The following PPP2R3B variants were observed in gnomAD, a reference collection of about 807,000 sequenced individuals.
PPP2R3B encodes the protein serine/threonine-protein phosphatase 2A regulatory subunit B'' subunit beta.
In PPP2R3B, 68 loss-of-function variants were observed where a neutral mutation model predicts 72.9. The ratio of observed to expected loss-of-function variants is 0.93; its 90% CI spans 0.77 to 1.14. The LOEUF is 1.14. PPP2R3B is among the 50% of genes most tolerant of loss of function. The probability of loss-of-function intolerance (pLI) is 0.00; values close to 1 mark genes in which losing one functional copy is unlikely to be tolerated. For missense variants in PPP2R3B, 1,018 were observed against 842.0 expected, an observed-to-expected ratio of 1.21 and a Z score of -2.59; for synonymous variants, 466 against 375.8, an observed-to-expected ratio of 1.24 and a Z score of -2.78.
chrX:341,507 T>C lies in PPP2R3B; in HGVS notation c.1086-111A>G, dbSNP rs868202521. 1.8e-4 allele frequency: 191 copies of C among 1,034,012 alleles called. 6 individuals are homozygous for C. Among genetic ancestry groups the C allele is most frequent in the South Asian group, 1.8e-3 (135 of 75,648 alleles). The allele number at this position is 1,034,012 out of a possible 1,614,324, so 64.1% of individuals were successfully genotyped here. A position where few individuals can be genotyped will look rare whatever the true frequency, so the allele number is the denominator to read the frequency against. On this transcript the variant is annotated intron_variant, in intron 8 of 12. Coordinates refer to ENST00000390665, the MANE Select transcript of PPP2R3B (RefSeq NM_013239.5). The stretch of plus-strand genomic sequence containing the variant: ...GAGGGGAGCCCCCCGGGCCCGGCCC[T>C]CCTCCTGCCCCCCTCCTGCCCCTCC...
chrX:383,860 A>AAAC, intron 1 of PPP2R3B, among the ~76,000 whole-genome samples: 1 of 147,672 alleles, frequency 6.8e-6, no homozygotes, highest in Non-Finnish European at 1.5e-5. Flanking sequence ...AAAAAAAAAA[A>AAAC]AAAAAAACCA....
In PPP2R3B at chrX:347,590, T is replaced by C. The variant is rs2071248840; in HGVS notation, c.614A>G (p.Lys205Arg). 1 of 1,573,690 alleles carries C rather than the reference T, an allele frequency of 6.4e-7. No individual in the cohort carries two copies. The highest frequency in any genetic ancestry group is 1.2e-5 in the South Asian group (1 of 86,884). The change falls in exon 3 of 13, where the codon AAA becomes AGA. Residue 205 changes from lysine (K) to arginine (R), a missense_variant and splice_region_variant. Coordinates refer to ENST00000390665, the MANE Select transcript of PPP2R3B (RefSeq NM_013239.5). ...GCCCCCTGCCCAGCCCAGGACTCAC[T>C]TTCTCCACATGGCGACGAACTTGTG... ...SVHKFVAMWR[K>R]ILQNCHDDAA...
At chrX:349,180 G>A (rs1171850652) in intron 2 of PPP2R3B, among the ~76,000 whole-genome samples, 1 of 151,942 alleles carries the variant, frequency 6.6e-6, no homozygotes, top group African/African-American at 2.4e-5. Flanking sequence ...TTGGGAGGTG[G>A]GGCCTCATGA....
chrX:360,999 G>A (rs2071525962), intron 2 of PPP2R3B, among the ~76,000 whole-genome samples: 1 of 152,210 alleles, frequency 6.6e-6, no homozygotes, highest in South Asian at 2.1e-4. Context: ...CCCAGCCTGG[G>A]ATGGCCGCTC....
intron 2 of PPP2R3B, among the ~76,000 whole-genome samples, chrX:356,674 C>T (rs1025752469): frequency 2.0e-5 from 3 of 152,200 alleles, no homozygotes; most frequent in African/African-American, 7.2e-5. Context: ...GAAGCAAAAA[C>T]CAAAGCAACC....
intron 2 of PPP2R3B, among the ~76,000 whole-genome samples, chrX:359,279 A>T (rs1474456340): frequency 6.6e-6 from 1 of 152,192 alleles, no homozygotes; most frequent in Non-Finnish European, 1.5e-5. Context: ...TCTCAGAGAT[A>T]CCCCACAACT....
chrX:347,487 C>G (rs1050151439), intron 3 of PPP2R3B, 103 bp downstream of exon 3: 2 of 1,389,198 alleles, frequency 1.4e-6, no homozygotes, highest in African/African-American at 2.9e-5. Context: ...AAGGGTTTCT[C>G]CTCTCACTGC....
intron 2 of PPP2R3B, among the ~76,000 whole-genome samples, chrX:352,286 G>A (rs910043813): frequency 3.9e-5 from 6 of 152,190 alleles, no homozygotes; most frequent in African/African-American, 1.4e-4. Flanking sequence ...ACTCCTTGTG[G>A]GGCCCGGCAA....
At chrX:351,487 T>C (rs1041690102) in intron 2 of PPP2R3B, among the ~76,000 whole-genome samples, 1 of 152,224 alleles carries the variant, frequency 6.6e-6, no homozygotes, top group African/African-American at 2.4e-5. Context: ...TAGCGTCTCA[T>C]GTGTCCAGAC....
Position 344,812 on chromosome X carries a change from C to T in PPP2R3B, c.1036+704G>A, listed in dbSNP as rs375057128. 4.8e-5 allele frequency: 14 copies of T among 293,694 alleles called. No individual in the cohort carries two copies. The East Asian group carries it at 7.3e-4, about 15-fold the overall frequency. 18.2% of individuals were successfully genotyped at this position (293,694 alleles called of 1,614,324 possible). ...CGGCCACGCGACCCAGGACCAGCCC[C>T]GGGAGACGCAGACGGGTGCAGCTCA... On this transcript the variant is annotated intron_variant, in intron 7 of 12. Transcript: ENST00000390665.
chrX:375,859 CCT>C (rs1489135909), intron 1 of PPP2R3B, among the ~76,000 whole-genome samples: 1 of 152,248 alleles, frequency 6.6e-6, no homozygotes, highest in African/African-American at 2.4e-5. Flanking sequence ...GACACACACC[CCT>C]GTGGACTTTA....
At chrX:366,982 C>G (rs1171494680) in intron 1 of PPP2R3B, among the ~76,000 whole-genome samples, 6 of 151,214 alleles carry the variant, frequency 4.0e-5, no homozygotes, top group African/African-American at 2.5e-5. Context: ...GAGCTGAGGT[C>G]GCACCACTGT....
chrX:352,496 T>C (rs2472186), intron 2 of PPP2R3B, among the ~76,000 whole-genome samples: 45,553 of 152,026 alleles, frequency 0.3, 7,436 homozygotes, highest in African/African-American at 0.4. Flanking sequence ...GCTCAGCACA[T>C]GCGTGTGGGA....
chrX:349,750 C>G (rs2071289951), intron 2 of PPP2R3B, among the ~76,000 whole-genome samples: 1 of 152,176 alleles, frequency 6.6e-6, no homozygotes, highest in African/African-American at 2.4e-5. Flanking sequence ...TGCCATCTAT[C>G]AAGAGCATGA....
At chrX:355,314 C>A (rs2738396) in intron 2 of PPP2R3B, among the ~76,000 whole-genome samples, 43,785 of 152,012 alleles carry the variant, frequency 0.29, 6,782 homozygotes, top group East Asian at 0.39. Context: ...GTGAACAAGA[C>A]CAAACTACAA....
chrX:338,166 C>T (rs967513247), intron 12 of PPP2R3B: 8 of 279,792 alleles, frequency 2.9e-5, no homozygotes, highest in South Asian at 1.1e-4. Flanking sequence ...AGAACCCTCA[C>T]GCTCCGTGAG....
At chrX:346,843 C>G in intron 4 of PPP2R3B, 68 bp from the exon 5 acceptor site, 6 of 1,389,702 alleles carry the variant, frequency 4.3e-6, no homozygotes, top group Non-Finnish European at 6.0e-6. Context: ...GCGGTGTGGA[C>G]GCTGCAGACG....
intron 1 of PPP2R3B, chrX:373,511 C>G (rs1403090779): frequency 6.1e-6 from 1 of 164,830 alleles, no homozygotes; most frequent in Non-Finnish European, 1.3e-5. Flanking sequence ...GTCGGGCAGC[C>G]GCGGGGCGCG....
At chrX:368,077 G>A (rs921339037) in intron 1 of PPP2R3B, among the ~76,000 whole-genome samples, 5 of 152,332 alleles carry the variant, frequency 3.3e-5, no homozygotes, top group South Asian at 2.1e-4. Context: ...AACTGAGCCC[G>A]CTAGGCAAGG....
Sources: gnomAD v4.1 joint callset for allele counts (sites outside exome capture counted in the v4.1 genomes callset) on GRCh38, gnomAD v4.1.1 for gene constraint, MANE v1.5 for transcripts, NCBI Gene and HGNC (gene_info 2026-07-23, HGNC 2026-07-21) for gene names.